DRC9: variants seen among roughly 807,000 people sequenced by gnomAD.
The protein encoded by DRC9 is dynein regulatory complex subunit 9.
the DRC9 span, among the ~76,000 whole-genome samples, chr3:197,947,964 ACT>A: frequency 8.8e-3 from 1,008 of 114,604 alleles, 19 homozygotes; most frequent in South Asian, 0.076. Context: ...AGACGGTCTC[ACT>A]CTGTCACCAA....
At chr3:197,902,352 G>A in the DRC9 span, among the ~76,000 whole-genome samples, 1 of 152,084 alleles carries the variant, frequency 6.6e-6, no homozygotes, top group African/African-American at 2.4e-5. Context: ...AGGAAAACAT[G>A]ACCTCACCAA....
At chr3:197,899,785 CA>C in the DRC9 span, among the ~76,000 whole-genome samples, 12 of 152,008 alleles carry the variant, frequency 7.9e-5, no homozygotes, top group Admixed American at 3.3e-4. Context: ...ACTATCTGTA[CA>C]AAAAAGCACC....
chr3:197,956,628 T>G, the DRC9 span: 25 of 151,602 alleles, frequency 1.6e-4, no homozygotes, highest in African/African-American at 7.3e-5. Flanking sequence ...TGTATGGTTT[T>G]TTTTTTTTTT....
At chr3:197,950,959 A>T in the DRC9 span, 1 of 1,614,178 alleles carries the variant, frequency 6.2e-7, no homozygotes, top group Admixed American at 1.7e-5. Context: ...GGGACTTCTA[A>T]AAGGAACTAT....
chr3:197,893,707 G>C, the DRC9 span, among the ~76,000 whole-genome samples: 2 of 151,288 alleles, frequency 1.3e-5, no homozygotes, highest in East Asian at 3.9e-4. Context: ...AAAAAGCCAG[G>C]CATGGTAGCC....
At chr3:197,894,507 G>C in the DRC9 span, 1 of 152,246 alleles carries the variant, frequency 6.6e-6, no homozygotes, top group South Asian at 2.1e-4. Flanking sequence ...TTTAAGAGTT[G>C]TGCTCACTTC....
the DRC9 span, chr3:197,950,407 GA>G: frequency 9.8e-7 from 1 of 1,024,076 alleles, no homozygotes; most frequent in African/African-American, 1.7e-5. Context: ...CTGACACCCG[GA>G]GAACGGCTGC....
the DRC9 span, among the ~76,000 whole-genome samples, chr3:197,932,625 C>T: frequency 6.8e-6 from 1 of 148,032 alleles, no homozygotes; most frequent in Middle Eastern, 3.2e-3. Context: ...GAGTGAGACT[C>T]CGTCTCAATA....
chr3:197,945,700 G>A, the DRC9 span: 1 of 1,008,706 alleles, frequency 9.9e-7, no homozygotes, highest in African/African-American at 1.6e-5. Flanking sequence ...AAATGGGAAA[G>A]AAACACTGAG....
At chr3:197,925,558 G>A in the DRC9 span, among the ~76,000 whole-genome samples, 1 of 151,194 alleles carries the variant, frequency 6.6e-6, no homozygotes, top group African/African-American at 2.4e-5. Flanking sequence ...ACCCAGGCCA[G>A]CTCTCTACTT....
the DRC9 span, chr3:197,956,005 G>C: frequency 1.3e-5 from 7 of 522,234 alleles, no homozygotes; most frequent in Non-Finnish European, 2.1e-5. Flanking sequence ...GTCTTGCTCT[G>C]TTGCCCATGC....
At chr3:197,900,980 G>A in the DRC9 span, among the ~76,000 whole-genome samples, 1 of 152,160 alleles carries the variant, frequency 6.6e-6, no homozygotes, top group African/African-American at 2.4e-5. The surrounding 1 kb of genome is among the most constrained non-coding windows in gnomAD (Gnocchi z 4.7). Context: ...AGACTCTTGA[G>A]ATGTGCTGCC....
At chr3:197,952,162 GTTTTTTT>G in the DRC9 span, among the ~76,000 whole-genome samples, 21 of 83,860 alleles carry the variant, frequency 2.5e-4, no homozygotes, top group African/African-American at 5.7e-4. Flanking sequence ...AAAATTATGG[GTTTTTTT>G]TTTTTTTTTT....
chr3:197,953,832 A>G, the DRC9 span: 1 of 689,374 alleles, frequency 1.5e-6, no homozygotes, highest in African/African-American at 1.8e-5. Context: ...GGCCTGGCAT[A>G]CAATAGTTAC....
the DRC9 span, chr3:197,938,967 C>T: frequency 1.7e-6 from 1 of 586,862 alleles, no homozygotes; most frequent in Non-Finnish European, 3.0e-6. Flanking sequence ...CAACATTCTT[C>T]TTCTCCGTCA....
At chr3:197,931,725 G>C in the DRC9 span, among the ~76,000 whole-genome samples, 2 of 151,942 alleles carry the variant, frequency 1.3e-5, no homozygotes, top group East Asian at 2.0e-4. Context: ...CCCGGGTTCA[G>C]GCCATTCTCC....
At chr3:197,916,670 C>G in the DRC9 span, among the ~76,000 whole-genome samples, 1 of 151,994 alleles carries the variant, frequency 6.6e-6, no homozygotes, top group South Asian at 2.1e-4. Flanking sequence ...TCTTGAACTC[C>G]TAGACTCAAG....
the DRC9 span, chr3:197,950,524 G>A: frequency 1.9e-5 from 6 of 313,748 alleles, no homozygotes; most frequent in South Asian, 3.9e-4. Context: ...TTTCCTCCCA[G>A]TCCATACCTT....
the DRC9 span, among the ~76,000 whole-genome samples, chr3:197,952,952 C>A: frequency 3.3e-5 from 5 of 152,122 alleles, no homozygotes; most frequent in East Asian, 9.7e-4. Flanking sequence ...AGGCGCGCAC[C>A]ACCACACCCG....
Sources: gnomAD v4.1 joint callset for allele counts (sites outside exome capture counted in the v4.1 genomes callset) on GRCh38, gnomAD v4.1.1 for gene constraint, Gnocchi (gnomAD v3.1) non-coding constraint, MANE v1.5 for transcripts, NCBI Gene and HGNC (gene_info 2026-07-23, HGNC 2026-07-21) for gene names.